PGLYRP2: variants seen among roughly 807,000 people sequenced by gnomAD.
The protein encoded by PGLYRP2 is peptidoglycan recognition protein 2, also known as N-acetylmuramoyl-L-alanine amidase.
Under a neutral mutation model 46.2 loss-of-function variants are expected in PGLYRP2, and 38 were observed. That is an observed-to-expected ratio of 0.82 (90% CI 0.64 to 1.08). The LOEUF (loss-of-function observed/expected upper bound fraction) is 1.08, where lower values mean the gene tolerates loss of function less well. Ranked by LOEUF, PGLYRP2 falls within the 50% of genes least tolerant of loss-of-function variation. The probability of loss-of-function intolerance (pLI) is 0.00; values close to 1 mark genes in which losing one functional copy is unlikely to be tolerated. For missense variants in PGLYRP2, 713 were observed against 755.9 expected, an observed-to-expected ratio of 0.94 and a Z score of 0.67; for synonymous variants, 289 against 329.4, an observed-to-expected ratio of 0.88 and a Z score of 1.33.
intron 2 of PGLYRP2, among the ~76,000 whole-genome samples, chr19:15,474,294 G>A (rs1426559184): frequency 6.6e-6 from 1 of 152,084 alleles, no homozygotes; most frequent in African/African-American, 2.4e-5. Flanking sequence ...CCGAGATTGT[G>A]CCATTGCACT....
chr19:15,475,641 TAGA>T lies in PGLYRP2; in HGVS notation c.1026_1028del (p.Leu343del). On this transcript the variant is annotated inframe_deletion, in exon 2 of 5. Coordinates refer to ENST00000340880, the MANE Select transcript of PGLYRP2 (RefSeq NM_052890.4). ...GGAGGTGTACTGGCTCCAGCCTCTG[TAGA>T]AGGACAAGGGTTCCCCACACCTGCT... 6.2e-7 allele frequency: 1 copy of T among 1,614,078 alleles called. No homozygotes were observed. Among genetic ancestry groups the T allele is most frequent in the South Asian group, 1.1e-5 (1 of 91,084 alleles).
At chr19:15,479,227 T>C (rs1415417586) in intron 1 of PGLYRP2, 84 bp downstream of exon 1, 5 of 1,437,622 alleles carry the variant, frequency 3.5e-6, no homozygotes, top group African/African-American at 2.8e-5. Context: ...CCTCACTCCA[T>C]GCAGGGCAAG....
Position 15,469,777 on chromosome 19 carries a change from A to G in PGLYRP2, c.1496T>C (p.Val499Ala). Residue 499 changes from valine to alanine, a missense_variant, in exon 4 of 5, where the codon GTG becomes GCG. Transcript: ENST00000340880. This position sits in a 1 kb window ranked among gnomAD's most constrained non-coding sequence, Gnocchi z 4.9. ...CGCACAACTCGGGAGCGTGTCGCGC[A>G]CCGTGCGCAGAGCGGCCTCGGTGGG... The part of the protein sequence containing the change: ...ALPTEAALRT[V>A]RDTLPSCAVR... 1 of 1,510,226 alleles carries G rather than the reference A, an allele frequency of 6.6e-7. No homozygotes were observed. Among genetic ancestry groups the G allele is most frequent in the Non-Finnish European group, 8.8e-7 (1 of 1,137,830 alleles). 93.6% of individuals were successfully genotyped at this position (1,510,226 alleles called of 1,614,324 possible).
At chr19:15,472,750 C>G (rs1970761669) in intron 2 of PGLYRP2, among the ~76,000 whole-genome samples, 1 of 152,058 alleles carries the variant, frequency 6.6e-6, no homozygotes, top group African/African-American at 2.4e-5. Flanking sequence ...AAAGAGAAAT[C>G]AGATTTCCCA....
chr19:15,476,063 A>G lies in PGLYRP2; in HGVS notation c.607T>C (p.Leu203=), dbSNP rs746533927. ...TKGCPDVQAS[L]PDAKAKSPPT... is the part of the protein sequence containing the mutation. Reference sequence around the variant, plus strand: ...GGGGACTTGGCTTTGGCATCTGGCAAGGAAGCTTGGACATCTGGACAGCCT... The same window carrying G: ...GGGGACTTGGCTTTGGCATCTGGCAGGGAAGCTTGGACATCTGGACAGCCT... Residue 203 remains leucine (L), a synonymous_variant, in exon 2 of 5, where the codon TTG becomes CTG. Transcript: ENST00000340880. The G allele has an allele frequency of 1.2e-6, 2 of 1,614,064 alleles. No homozygotes were observed. The highest frequency in any genetic ancestry group is 2.7e-5 in the African/African-American group (2 of 74,930).
chr19:15,471,852 C>A, intron 3 of PGLYRP2, 38 bp downstream of exon 3: 1 of 1,596,966 alleles, frequency 6.3e-7, no homozygotes, highest in South Asian at 1.1e-5. Flanking sequence ...CATCCCCGAA[C>A]GTGGGCCCCG....
intron 3 of PGLYRP2, among the ~76,000 whole-genome samples, chr19:15,470,472 T>A (rs995999456): frequency 2.5e-4 from 37 of 147,448 alleles, no homozygotes; most frequent in Non-Finnish European, 2.9e-4. Context: ...AATTTTTTTT[T>A]TAATTTTTAT....
In PGLYRP2 at chr19:15,476,267, G is replaced by T. The variant is rs754184553; in HGVS notation, c.403C>A (p.Arg135Ser). ...LAGLEAGLQG[R>S]RVINLPLDSM... ...TCCAAGGGCAAATTTATGACCCTGCGCCCTTGCAGCCCTGCCTCCAGCCCC... is the reference window on the plus strand; with the variant it reads ...TCCAAGGGCAAATTTATGACCCTGCTCCCTTGCAGCCCTGCCTCCAGCCCC... Residue 135 changes from arginine (R) to serine (S), a missense_variant, in exon 2 of 5, where the codon CGC (arginine) becomes AGC (serine). Arg to Ser is a moderately radical substitution (Grantham distance 110). Coordinates refer to ENST00000340880, the MANE Select transcript of PGLYRP2 (RefSeq NM_052890.4). 3.7e-6 allele frequency: 6 copies of T among 1,614,008 alleles called. No homozygotes were observed. In the African/African-American group the frequency reaches 8.0e-5, roughly 22 times the overall value.
Position 15,476,418 on chromosome 19 carries a change from G to T in PGLYRP2, c.252C>A (p.Cys84Ter). Reference sequence around the variant, plus strand: ...GGCCTAACAGCTCTGGGCTTAGTGGGCAGGGATCCAACTCTGTAGCATTGA... The same window carrying T: ...GGCCTAACAGCTCTGGGCTTAGTGGTCAGGGATCCAACTCTGTAGCATTGA... Reference protein sequence around the residue: ...WSLNATELDPCPLSPELLGLT... With the variant: ...WSLNATELDP Residue 84 changes from cysteine to a stop codon, truncating the protein, a stop_gained, in exon 2 of 5, where the codon TGC becomes TGA. Transcript: ENST00000340880. LOFTEE classifies it high-confidence loss of function. 1 of 1,614,136 alleles carries T rather than the reference G, an allele frequency of 6.2e-7. No individual in the cohort carries two copies. Among genetic ancestry groups the T allele is most frequent in the Non-Finnish European group, 8.5e-7 (1 of 1,180,006 alleles).
At chr19:15,468,880 C>T (rs1970717548) in intron 4 of PGLYRP2, 128 bp from the exon 5 acceptor site, 3 of 647,462 alleles carry the variant, frequency 4.6e-6, no homozygotes, top group Non-Finnish European at 8.1e-6. Flanking sequence ...GAGGACAAAG[C>T]CAACTATAGG....
intron 2 of PGLYRP2, among the ~76,000 whole-genome samples, chr19:15,474,631 G>T (rs1380183340): frequency 1.3e-5 from 2 of 152,092 alleles, no homozygotes; most frequent in African/African-American, 2.4e-5. Flanking sequence ...TCCAGCTAGG[G>T]TGATTGCCAG....
At chr19:15,471,806 C>A (rs1238022613) in intron 3 of PGLYRP2, 84 bp downstream of exon 3, 2 of 1,457,236 alleles carry the variant, frequency 1.4e-6, no homozygotes, top group Non-Finnish European at 1.9e-6. Flanking sequence ...GGGTTCAAGC[C>A]CGGTCCCCTG....
rs775088447 is a variant in PGLYRP2 at position 15,469,626 on chromosome 19, ACTCACCGCGGTG to A, written c.1635_1641+5del. ...GGGCCGTGTAGTGCAGGCTGCGAAG[ACTCACCGCGGTG>A]AAGTGCGGCCAGGTGCGCAGCAGGT... On this transcript the variant is annotated splice_donor_variant and splice_donor_5th_base_variant and coding_sequence_variant and intron_variant, in exon 4 of 5. Coordinates refer to ENST00000340880, the MANE Select transcript of PGLYRP2 (RefSeq NM_052890.4). LOFTEE classifies it high-confidence loss of function. This position sits in a 1 kb window ranked among gnomAD's most constrained non-coding sequence, Gnocchi z 4.9. 9 of 1,575,514 alleles carry A rather than the reference ACTCACCGCGGTG, an allele frequency of 5.7e-6. No individual in the cohort carries two copies. In the South Asian group the frequency reaches 1.0e-4, roughly 18 times the overall value.
chr19:15,476,937 G>T (rs1271546057), intron 1 of PGLYRP2, among the ~76,000 whole-genome samples: 1 of 152,128 alleles, frequency 6.6e-6, no homozygotes, highest in Non-Finnish European at 1.5e-5. Context: ...ATAGAAAAGG[G>T]GAGACAGTGT....
At position 15,469,539 on chromosome 19, in the gene PGLYRP2, G is replaced by T; in HGVS notation, c.1641+93C>A. ...TTGGGGGCCTGGCTGAGGCTGTGCGGGCACAGCTGTTACAGGCAGGGGGCA... is the reference window on the plus strand; with the variant it reads ...TTGGGGGCCTGGCTGAGGCTGTGCGTGCACAGCTGTTACAGGCAGGGGGCA... On this transcript the variant is annotated intron_variant, in intron 4 of 4. Coordinates refer to ENST00000340880, the MANE Select transcript of PGLYRP2 (RefSeq NM_052890.4). This position sits in a 1 kb window ranked among gnomAD's most constrained non-coding sequence, Gnocchi z 4.9. The T allele has an allele frequency of 6.7e-7, 1 of 1,494,242 alleles. No homozygotes were observed. The highest frequency in any genetic ancestry group is 9.0e-7 in the Non-Finnish European group (1 of 1,107,070). The allele number at this position is 1,494,242 out of a possible 1,614,324, so 92.6% of individuals were successfully genotyped here. A position where few individuals can be genotyped will look rare whatever the true frequency, so the allele number is the denominator to read the frequency against.
chr19:15,473,717 C>T (rs931314992), intron 2 of PGLYRP2, among the ~76,000 whole-genome samples: 7 of 151,194 alleles, frequency 4.6e-5, no homozygotes, highest in African/African-American at 1.2e-4. Context: ...ATCAACAGAA[C>T]GAACAGACAA....
In PGLYRP2 at chr19:15,475,548, C is replaced by A. The variant is rs1970785576; in HGVS notation, c.1122G>T (p.Glu374Asp). The A allele has an allele frequency of 6.3e-7, 1 of 1,598,242 alleles. No homozygotes were observed. Among genetic ancestry groups the A allele is most frequent in the African/African-American group, 1.3e-5 (1 of 74,642 alleles). ...VAANATKEFT[E>D]AFLGCPAIHP... ...GGGGAACTTCCTCACCCAGGAAGGC[C>A]TCAGTGAATTCCTTGGTAGCATTGG... The change falls in exon 2 of 5, where the codon GAG becomes GAT. Residue 374 changes from glutamate (E) to aspartate (D), a missense_variant. By Grantham distance (45) the Glu-to-Asp change is conservative. Coordinates refer to ENST00000340880, the MANE Select transcript of PGLYRP2 (RefSeq NM_052890.4).
Position 15,469,869 on chromosome 19 carries a change from G to A in PGLYRP2, c.1404C>T (p.Ala468=). Residue 468 remains alanine, a synonymous_variant, in exon 4 of 5, where the codon GCC becomes GCT. Transcript: ENST00000340880. This position sits in a 1 kb window ranked among gnomAD's most constrained non-coding sequence, Gnocchi z 4.9. ...CCCGGGAGTTGTGGCCGAGCGTGTG[G>A]GCGCCCACCCAGTGCCAGCCGCGTC... ...YEGRGWHWVG[A]HTLGHNSRGF... The A allele has an allele frequency of 6.7e-7, 1 of 1,501,642 alleles. No homozygotes were observed. The allele number at this position is 1,501,642 out of a possible 1,614,324, so 93.0% of individuals were successfully genotyped here.
At chr19:15,473,000 T>C (rs1308168818) in intron 2 of PGLYRP2, among the ~76,000 whole-genome samples, 1 of 151,850 alleles carries the variant, frequency 6.6e-6, no homozygotes, top group Non-Finnish European at 1.5e-5. Context: ...TGGAATGAAA[T>C]AGAGAACCCA....
Sources: allele counts gnomAD v4.1 joint callset (sites outside exome capture counted in the v4.1 genomes callset), GRCh38; gene constraint gnomAD v4.1.1; non-coding constraint Gnocchi (gnomAD v3.1); transcripts MANE v1.5; gene names NCBI Gene and HGNC (gene_info 2026-07-23, HGNC 2026-07-21).